NOS1: variants seen among roughly 807,000 people sequenced by gnomAD.
NOS1 encodes the protein NOS type I.
Under a neutral mutation model 164.5 loss-of-function variants are expected in NOS1, and 51 were observed. The observed-to-expected ratio is 0.31, with a 90% confidence interval of 0.25 to 0.39. The LOEUF is 0.39. Ranked by LOEUF, NOS1 falls within the 10% of genes least tolerant of loss-of-function variation. The pLI is 1.00. For missense variants in NOS1, 1,362 were observed against 1,885.6 expected (o/e 0.72, Z 5.14); for synonymous variants, 719 against 745.8 (o/e 0.96, Z 0.59).
chr12:117,311,603 A>G lies in NOS1; in HGVS notation c.726-11T>C. ...TTGCCGTCCAAATCTCTGAAAGGCA[A>G]GGTGGGGCAGGTGAGGAAGGGGACA... is the stretch of plus-strand genomic sequence containing the variant. On this transcript the variant is annotated splice_polypyrimidine_tract_variant and intron_variant, in intron 2 of 28. Coordinates refer to ENST00000317775, the MANE Select transcript of NOS1 (RefSeq NM_000620.5). The G allele has an allele frequency of 6.2e-7, 1 of 1,606,522 alleles. No individual in the cohort carries two copies. The highest frequency in any genetic ancestry group is 1.3e-5 in the African/African-American group (1 of 74,978).
At chr12:117,285,192 G>A in intron 7 of NOS1, 49 bp downstream of exon 7, 1 of 1,315,610 alleles carries the variant, frequency 7.6e-7, no homozygotes, top group Middle Eastern at 1.9e-4. Flanking sequence ...GTACAATGCT[G>A]TGGGGACTTT....
At position 117,234,622 on chromosome 12, in the gene NOS1, G is replaced by C. The variant is rs1373163461; in HGVS notation, c.3178C>G (p.Pro1060Ala). 1 of 1,614,142 alleles carries C rather than the reference G, an allele frequency of 6.2e-7. No individual in the cohort carries two copies. The highest frequency in any genetic ancestry group is 8.5e-7 in the Non-Finnish European group (1 of 1,179,996). Residue 1060 changes from proline (P) to alanine (A), a missense_variant, in exon 21 of 29, where the codon CCG becomes GCG. Pro to Ala is a conservative substitution (Grantham distance 27, BLOSUM62 -1). Transcript: ENST00000317775. This position sits in a 1 kb window ranked among gnomAD's most constrained non-coding sequence, Gnocchi z 4.3. ...NALIERLEDA[P>A]PVNQMVKVEL... is the part of the protein sequence containing the mutation. Reference sequence around the variant, plus strand: ...ACTTTCACCATCTGGTTGACAGGCGGCGCGTCCTCCAGCCGCTCGATCAGG... The same window carrying C: ...ACTTTCACCATCTGGTTGACAGGCGCCGCGTCCTCCAGCCGCTCGATCAGG...
Position 117,243,743 on chromosome 12 carries a change from TC to T in NOS1, c.2824-309del, listed in dbSNP as rs1870390741. On this transcript the variant is annotated intron_variant, in intron 18 of 28. Coordinates refer to ENST00000317775, the MANE Select transcript of NOS1 (RefSeq NM_000620.5). This position sits in a 1 kb window ranked among gnomAD's most constrained non-coding sequence, Gnocchi z 4.3. The stretch of plus-strand genomic sequence containing the variant: ...ATCCATGTATCTATCTTTCCATCCA[TC>T]CATCCATCCACCCATCCATCCACCC... 6.6e-6 allele frequency among the ~76,000 whole-genome samples: 1 copy of T among 151,858 alleles called. No individual in the cohort carries two copies. Among genetic ancestry groups the T allele is most frequent in the Non-Finnish European group, 1.5e-5 (1 of 67,930 alleles).
chr12:117,208,232 C>A lies in NOS1; in HGVS notation c.*7077G>T. Reference sequence around the variant, plus strand: ...ATAAAATTGGAAGATGAGAACTATACAGAAGAAGAGCATGCGACAAACACA... The same window carrying A: ...ATAAAATTGGAAGATGAGAACTATAAAGAAGAAGAGCATGCGACAAACACA... On this transcript the variant is annotated 3_prime_UTR_variant, in exon 29 of 29. Transcript: ENST00000317775. 1 of 1,243,576 alleles carries A rather than the reference C, an allele frequency of 8.0e-7. No individual in the cohort carries two copies. The highest frequency in any genetic ancestry group is 1.5e-5 in the African/African-American group (1 of 64,654). The allele number at this position is 1,243,576 out of a possible 1,614,324, so 77.0% of individuals were successfully genotyped here. A position where few individuals can be genotyped will look rare whatever the true frequency, so the allele number is the denominator to read the frequency against.
intron 2 of NOS1, among the ~76,000 whole-genome samples, chr12:117,317,670 T>C (rs1874728048): frequency 6.6e-6 from 1 of 152,082 alleles, no homozygotes; most frequent in Non-Finnish European, 1.5e-5. Context: ...ATTTACCAGC[T>C]GTCCCTTGTT....
rs1003138089 is a variant in NOS1, at chr12:117,269,462, TTG to T, written c.1840-1320_1840-1319del. On this transcript the variant is annotated intron_variant, in intron 10 of 28. Transcript: ENST00000317775. ...CCCAGGGGGCAGGATCTCTGGAGAT[TTG>T]TTTTTTTTTTTTTTTTTTTTTTAGA... Among the ~76,000 whole-genome samples the T allele has an allele frequency of 1.1e-4, 14 of 125,894 alleles. 2 individuals are homozygous for T. The highest frequency in any genetic ancestry group is 2.9e-4 in the Admixed American group (4 of 13,630). 82.6% of individuals were successfully genotyped at this position (125,894 alleles called of 152,430 possible).
At chr12:117,316,590 G>A (rs543852821) in intron 2 of NOS1, among the ~76,000 whole-genome samples, 1 of 152,288 alleles carries the variant, frequency 6.6e-6, no homozygotes, top group South Asian at 2.1e-4. Flanking sequence ...CATGAGTGAT[G>A]TATATTTCCA....
rs754326654 is a variant in NOS1, at chr12:117,260,579, C to T, written c.2253G>A (p.Gly751=). The change falls in exon 14 of 29, where the codon GGG becomes GGA. Residue 751 remains glycine (G), a synonymous_variant. Transcript: ENST00000317775. ...CTTTCACCCTCTTGGCCATAGCCTG[C>T]CCCATCAGCTTGGCCGAGAACTTGA... ...EAVKFSAKLM[G]QAMAKRVKAT... 4 of 1,613,964 alleles carry T rather than the reference C, an allele frequency of 2.5e-6. No individual in the cohort carries two copies. The highest frequency in any genetic ancestry group is 1.1e-5 in the South Asian group (1 of 91,042).
rs145742665 is a variant in NOS1, at chr12:117,223,696, C to T, written c.3827-833G>A. Among the ~76,000 whole-genome samples, 6 of 151,986 alleles carry T rather than the reference C, an allele frequency of 3.9e-5. No individual in the cohort carries two copies. In the East Asian group the frequency reaches 1.2e-3, roughly 29 times the overall value. ...ACCTGCAGAGTTTCACTCTTGTTGC[C>T]CAAGGTGGAGTGCAATGGCACTATC... On this transcript the variant is annotated intron_variant, in intron 25 of 28. Coordinates refer to ENST00000317775, the MANE Select transcript of NOS1 (RefSeq NM_000620.5).
In NOS1 at chr12:117,252,765, A is replaced by G. The variant is rs556514744; in HGVS notation, c.2648+873T>C. Among the ~76,000 whole-genome samples, 12 of 152,356 alleles carry G rather than the reference A, an allele frequency of 7.9e-5. No homozygotes were observed. The South Asian group carries it at 2.5e-3, about 32-fold the overall frequency. On this transcript the variant is annotated intron_variant, in intron 17 of 28. Transcript: ENST00000317775. ...TAAAATGTCCTGGAGGACATAACAG[A>G]TATTTCAATAGCTAGCAAACCAGTG...
chr12:117,298,294 T>C (rs1873564008), intron 3 of NOS1, among the ~76,000 whole-genome samples: 1 of 152,032 alleles, frequency 6.6e-6, no homozygotes, highest in African/African-American at 2.4e-5. Context: ...TATGAGAATC[T>C]AAGGCCACCA....
chr12:117,242,582 T>C (rs1218944175), intron 20 of NOS1, 45 bp downstream of exon 20: 1 of 1,503,232 alleles, frequency 6.7e-7, no homozygotes, highest in Admixed American at 1.7e-5. Flanking sequence ...GTGGGTGGCA[T>C]TTGGGAGAAG....
intron 21 of NOS1, 80 bp from the exon 22 acceptor site, chr12:117,232,211 C>G (rs549556180): frequency 8.0e-6 from 11 of 1,368,784 alleles, no homozygotes; most frequent in Admixed American, 7.2e-5. Flanking sequence ...GCTCCTGGAG[C>G]AGAGGATGGG....
At position 117,269,761 on chromosome 12, in the gene NOS1, C is replaced by T. The variant is rs182045588; in HGVS notation, c.1840-1617G>A. ...GATTACAGGCGTGAGCCGCTGCACCCGGCCTCTGGAGCATTTTAACAGAGA... is the reference window on the plus strand; with the variant it reads ...GATTACAGGCGTGAGCCGCTGCACCTGGCCTCTGGAGCATTTTAACAGAGA... On this transcript the variant is annotated intron_variant, in intron 10 of 28. Coordinates refer to ENST00000317775, the MANE Select transcript of NOS1 (RefSeq NM_000620.5). 3.9e-4 allele frequency among the ~76,000 whole-genome samples: 59 copies of T among 152,296 alleles called. 1 individual carries two copies. Among genetic ancestry groups the T allele is most frequent in the Non-Finnish European group, 7.2e-4 (49 of 68,020 alleles).
At chr12:117,219,481 A>G (rs1956665662) in intron 27 of NOS1, among the ~76,000 whole-genome samples, 1 of 151,338 alleles carries the variant, frequency 6.6e-6, no homozygotes, top group African/African-American at 2.4e-5. Flanking sequence ...TAATTTTTGT[A>G]TTTTTAGAAG....
At chr12:117,319,004 A>T (rs1441048935) in intron 2 of NOS1, among the ~76,000 whole-genome samples, 1 of 152,198 alleles carries the variant, frequency 6.6e-6, no homozygotes, top group African/African-American at 2.4e-5. Context: ...CTTTTCTTCT[A>T]GATTTCATCA....
chr12:117,339,066 T>C (rs1379061746), intron 1 of NOS1, among the ~76,000 whole-genome samples: 4 of 152,196 alleles, frequency 2.6e-5, no homozygotes, highest in Admixed American at 2.6e-4. Flanking sequence ...TTTCCTGAAC[T>C]GCTAATTTGC....
chr12:117,264,101 GC>G, intron 12 of NOS1, 127 bp from the exon 13 acceptor site: 1 of 360,814 alleles, frequency 2.8e-6, no homozygotes, highest in Non-Finnish European at 5.1e-6. Context: ...GAAGAATTCT[GC>G]CCAGTGGTGA....
At chr12:117,357,139 A>G (rs1350576354) in intron 1 of NOS1, among the ~76,000 whole-genome samples, 1 of 152,232 alleles carries the variant, frequency 6.6e-6, no homozygotes, top group Non-Finnish European at 1.5e-5. Context: ...CCTGGGCAGC[A>G]TGACAAAACC....
Sources: allele counts gnomAD v4.1 joint callset (sites outside exome capture counted in the v4.1 genomes callset), GRCh38; gene constraint gnomAD v4.1.1; non-coding constraint Gnocchi (gnomAD v3.1); transcripts MANE v1.5; gene names NCBI Gene and HGNC (gene_info 2026-07-23, HGNC 2026-07-21).